Variants in ABCC6 observed in about 807,000 individuals in gnomAD.
The protein encoded by ABCC6 is ATP binding cassette subfamily C member 6.
Under a neutral mutation model 169.5 loss-of-function variants are expected in ABCC6, and 126 were observed. The ratio of observed to expected loss-of-function variants is 0.74; its 90% CI spans 0.64 to 0.86. The LOEUF is 0.86. ABCC6 is among the 40% of genes least tolerant of loss of function. The probability of loss-of-function intolerance (pLI) is 0.00; values close to 1 mark genes in which losing one functional copy is unlikely to be tolerated. For synonymous variants in ABCC6, 752 were observed against 814.7 expected, an observed-to-expected ratio of 0.92 and a Z score of 1.31; for missense variants, 1,733 against 1,927.2, an observed-to-expected ratio of 0.90 and a Z score of 1.89.
rs139491180 is a variant in ABCC6, at chr16:16,212,082, G to A, written c.662+103C>T. 5.2e-6 allele frequency: 4 copies of A among 766,866 alleles called. 2 individuals carry two copies. Among genetic ancestry groups the A allele is most frequent in the Non-Finnish European group, 4.4e-6 (2 of 456,470 alleles). 47.5% of individuals were successfully genotyped at this position (766,866 alleles called of 1,614,324 possible). ...CTGAGGCTGGGATGAAGAAAGACTT[G>A]CTGGCCTTTGTAAGCACAGGGGAAG... On this transcript the variant is annotated intron_variant, in intron 6 of 30. Coordinates refer to ENST00000205557, the MANE Select transcript of ABCC6 (RefSeq NM_001171.6).
chr16:16,156,976 A>G (rs2046571733), intron 27 of ABCC6, among the ~76,000 whole-genome samples: 1 of 149,362 alleles, frequency 6.7e-6, no homozygotes, highest in Non-Finnish European at 1.5e-5. Flanking sequence ...ACAGGAGAGC[A>G]GATTGGAGCT....
In ABCC6 at chr16:16,198,097, G is replaced by A; in HGVS notation, c.1262C>T (p.Thr421Ile). The A allele has an allele frequency of 1.2e-6, 2 of 1,613,716 alleles. No homozygotes were observed. The highest frequency in any genetic ancestry group is 1.7e-6 in the Non-Finnish European group (2 of 1,179,898). ...CCCGTTGAGGTAGAGGACGCTCTCG[G>A]TCAGCCGCTGCACGTCCACGGACAC... ...NLVSVDVQRL[T>I]ESVLYLNGLW... is the part of the protein sequence containing the mutation. The change falls in exon 10 of 31, where the codon ACC (threonine) becomes ATC (isoleucine). Residue 421 changes from threonine to isoleucine, a missense_variant. Physicochemically the swap from Thr to Ile is moderately conservative, Grantham distance 89. Transcript: ENST00000205557.
intron 4 of ABCC6, among the ~76,000 whole-genome samples, chr16:16,216,503 C>T (rs2048880226): frequency 1.3e-5 from 2 of 151,588 alleles, no homozygotes; most frequent in Middle Eastern, 3.4e-3. Context: ...TTGAAAATGA[C>T]AGTACCTCAT....
chr16:16,151,395 T>A (rs1180279034), intron 29 of ABCC6, among the ~76,000 whole-genome samples: 1 of 152,222 alleles, frequency 6.6e-6, no homozygotes, highest in Non-Finnish European at 1.5e-5. Flanking sequence ...ATCATCATAC[T>A]ATTTTCCATA....
rs1477555618 is a variant in ABCC6 at position 16,165,638 on chromosome 16, G to A, written c.3291C>T (p.Leu1097=). The A allele has an allele frequency of 1.2e-6, 2 of 1,613,232 alleles. No individual in the cohort carries two copies. Among genetic ancestry groups the A allele is most frequent in the East Asian group, 2.2e-5 (1 of 44,876 alleles). ...CTCTCCGTACCTGAAACCCAGCGTA[G>A]AGGAGAAACAGTGGCAGGATGGCCA... ...ATVAILPLFL[L]YAGFQSLYVV... Residue 1097 remains leucine, a synonymous_variant, in exon 23 of 31, where the codon CTC becomes CTT. Coordinates refer to ENST00000205557, the MANE Select transcript of ABCC6 (RefSeq NM_001171.6).
Position 16,165,072 on chromosome 16 carries a change from C to T in ABCC6, c.3306+551G>A, listed in dbSNP as rs148295684. Among the ~76,000 whole-genome samples the T allele has an allele frequency of 7.2e-5, 11 of 152,276 alleles. No homozygotes were observed. The East Asian group carries it at 1.2e-3, about 16-fold the overall frequency. ...CAGATAATTGGAGAGGAAGAAATTA[C>T]GGCAGGATAAAAACATTACGCGTGA... is the stretch of plus-strand genomic sequence containing the variant. On this transcript the variant is annotated intron_variant, in intron 23 of 30. Transcript: ENST00000205557.
At chr16:16,183,012 G>A in intron 15 of ABCC6, 82 bp from the exon 16 acceptor site, 2 of 1,607,382 alleles carry the variant, frequency 1.2e-6, no homozygotes, top group Non-Finnish European at 1.7e-6. Flanking sequence ...AGACGGAGCT[G>A]AGCTTTCCTG....
chr16:16,220,792 G>A (rs2049045305), intron 2 of ABCC6, among the ~76,000 whole-genome samples: 1 of 151,568 alleles, frequency 6.6e-6, no homozygotes. Context: ...AGCTACTCGG[G>A]AAGCTGAGGC....
At chr16:16,222,843 T>G (rs2049118874) in intron 1 of ABCC6, among the ~76,000 whole-genome samples, 1 of 152,146 alleles carries the variant, frequency 6.6e-6, no homozygotes, top group Admixed American at 6.6e-5. Context: ...TGTATCTCAG[T>G]TTCCTTCCCT....
chr16:16,160,491 G>A (rs927911911), intron 25 of ABCC6, among the ~76,000 whole-genome samples: 6 of 151,918 alleles, frequency 3.9e-5, no homozygotes, highest in African/African-American at 1.5e-4. Context: ...AAAAGAGTGA[G>A]ACCTTGTCTC....
chr16:16,171,595 T>G (rs1255992896), intron 21 of ABCC6, among the ~76,000 whole-genome samples: 1 of 151,766 alleles, frequency 6.6e-6, no homozygotes, highest in Admixed American at 6.6e-5. Context: ...TGTGAATGAG[T>G]GGATGAATGG....
intron 7 of ABCC6, 28 bp from the exon 8 acceptor site, chr16:16,203,641 G>A (rs1222750496): frequency 3.1e-6 from 5 of 1,612,852 alleles, no homozygotes; most frequent in Non-Finnish European, 3.4e-6. Context: ...ATTAGCTCTG[G>A]GTCCCATTTT....
intron 9 of ABCC6, among the ~76,000 whole-genome samples, chr16:16,200,611 C>G (rs552274998): frequency 3.7e-5 from 5 of 134,956 alleles, no homozygotes; most frequent in Admixed American, 7.9e-5. Flanking sequence ...GCACACCTAG[C>G]TCTGGCATGC....
chr16:16,197,990 G>A lies in ABCC6; in HGVS notation c.1338+31C>T, dbSNP rs144036878. On this transcript the variant is annotated intron_variant, in intron 10 of 30. Transcript: ENST00000205557. The stretch of plus-strand genomic sequence containing the variant: ...GGAGAAGGAGGGGGTGGGGGACTCC[G>A]TTCAAATCCCGTCTTCCTCCTCTGG... 78 of 1,607,070 alleles carry A rather than the reference G, an allele frequency of 4.9e-5. No homozygotes were observed. In the Middle Eastern group the frequency reaches 1.5e-3, roughly 31 times the overall value.
chr16:16,203,316 A>C, intron 8 of ABCC6, 94 bp downstream of exon 8: 1 of 1,568,786 alleles, frequency 6.4e-7, no homozygotes, highest in Non-Finnish European at 8.7e-7. Context: ...CCAGACGTAT[A>C]GGCAGAGGCA....
At position 16,161,583 on chromosome 16, in the gene ABCC6, G is replaced by T; in HGVS notation, c.3507-19C>A. The T allele has an allele frequency of 1.2e-6, 2 of 1,613,798 alleles. No homozygotes were observed. The highest frequency in any genetic ancestry group is 1.7e-6 in the Non-Finnish European group (2 of 1,180,016). ...AAGCCACCTGCAAAGGGAAGCGACA[G>T]CAGGGTGAGTGGTTACTCTCATCTG... On this transcript the variant is annotated intron_variant, in intron 24 of 30. Coordinates refer to ENST00000205557, the MANE Select transcript of ABCC6 (RefSeq NM_001171.6).
intron 25 of ABCC6, among the ~76,000 whole-genome samples, chr16:16,159,919 T>G (rs1441251465): frequency 4.6e-5 from 7 of 152,124 alleles, no homozygotes; most frequent in Non-Finnish European, 8.8e-5. Context: ...GCCCACTGAT[T>G]CCATTCTGAC....
At chr16:16,181,238 G>C (rs1272196590) in intron 17 of ABCC6, among the ~76,000 whole-genome samples, 4 of 151,392 alleles carry the variant, frequency 2.6e-5, no homozygotes, top group African/African-American at 7.3e-5. Flanking sequence ...AACTACTCAT[G>C]AGGCTGAGGT....
At chr16:16,161,035 G>C (rs2046700045) in intron 25 of ABCC6, among the ~76,000 whole-genome samples, 1 of 152,028 alleles carries the variant, frequency 6.6e-6, no homozygotes, top group African/African-American at 2.4e-5. Flanking sequence ...AACCCAGGAG[G>C]CAGAGTTCTC....
Sources: allele counts gnomAD v4.1 joint callset (sites outside exome capture counted in the v4.1 genomes callset), GRCh38; gene constraint gnomAD v4.1.1; transcripts MANE v1.5; gene names NCBI Gene and HGNC (gene_info 2026-07-23, HGNC 2026-07-21).